The following RBFOX1 variants were observed in gnomAD, a reference collection of about 807,000 sequenced individuals.
RBFOX1 encodes the protein RNA binding protein fox-1 homolog 1.
Under a neutral mutation model 57.7 loss-of-function variants are expected in RBFOX1, and 8 were observed. The observed-to-expected ratio is 0.14, with a 90% confidence interval of 0.08 to 0.25. The LOEUF (loss-of-function observed/expected upper bound fraction) is 0.25. RBFOX1 is among the 10% of genes least tolerant of loss of function. RBFOX1 has a pLI of 1.00. For synonymous variants in RBFOX1, 326 were observed against 222.4 expected (o/e 1.47, Z -4.15); for missense variants, 611 against 548.5 (o/e 1.11, Z -1.14).
chr16:7,143,709 C>T (rs778815130), intron 4 of RBFOX1, among the ~76,000 whole-genome samples: 3 of 152,046 alleles, frequency 2.0e-5, no homozygotes, highest in Admixed American at 2.0e-4. Flanking sequence ...CTCCAAAGTC[C>T]TTCATTTGAT....
At chr16:6,906,922 C>T (rs565722326) in intron 3 of RBFOX1, among the ~76,000 whole-genome samples, 13 of 152,046 alleles carry the variant, frequency 8.6e-5, no homozygotes, top group Non-Finnish European at 2.9e-5. Context: ...TGGGGTTTCA[C>T]CATGTTGGCC....
At chr16:5,354,377 G>T (rs1398636798) in intron 1 of RBFOX1, among the ~76,000 whole-genome samples, 1 of 152,058 alleles carries the variant, frequency 6.6e-6, no homozygotes, top group Non-Finnish European at 1.5e-5. Context: ...AGACCGACTT[G>T]AATTACAACC....
chr16:7,630,766 C>G, intron 11 of RBFOX1, 83 bp downstream of exon 11: 1 of 1,566,696 alleles, frequency 6.4e-7, no homozygotes, highest in Admixed American at 1.9e-5. Context: ...GTTCTCTCCC[C>G]CTCCCTCTGC....
intron 1 of RBFOX1, among the ~76,000 whole-genome samples, chr16:5,441,515 C>T (rs886224892): frequency 1.3e-5 from 2 of 152,014 alleles, no homozygotes; most frequent in African/African-American, 4.8e-5. Context: ...CAGGCATGTG[C>T]CACCATGCCT....
At chr16:6,735,864 T>G (rs1193241985) in intron 3 of RBFOX1, among the ~76,000 whole-genome samples, 5 of 151,918 alleles carry the variant, frequency 3.3e-5, no homozygotes, top group African/African-American at 1.2e-4. Context: ...TCACAGGCCC[T>G]CCTTCTGAGA....
At chr16:6,694,258 A>G (rs948814570) in intron 3 of RBFOX1, among the ~76,000 whole-genome samples, 5 of 152,318 alleles carry the variant, frequency 3.3e-5, no homozygotes, top group African/African-American at 1.2e-4. Context: ...TTGTTAAATT[A>G]GAGAGGAGGT....
chr16:7,589,155 G>A (rs1277669716), intron 7 of RBFOX1, among the ~76,000 whole-genome samples: 1 of 152,326 alleles, frequency 6.6e-6, no homozygotes, highest in Non-Finnish European at 1.5e-5. Context: ...TATTCTTGGC[G>A]AAATTGTAGA....
chr16:7,197,464 A>G (rs928224317), intron 4 of RBFOX1, among the ~76,000 whole-genome samples: 12 of 143,846 alleles, frequency 8.3e-5, no homozygotes, highest in Non-Finnish European at 1.1e-4. Flanking sequence ...AAAAAAAAAC[A>G]TCAAGCTGTG....
At chr16:7,556,590 C>A (rs528627533) in intron 5 of RBFOX1, among the ~76,000 whole-genome samples, 1 of 152,104 alleles carries the variant, frequency 6.6e-6, no homozygotes, top group Non-Finnish European at 1.5e-5. Flanking sequence ...CTTTTGGATA[C>A]AGAGTTTCAT....
intron 4 of RBFOX1, among the ~76,000 whole-genome samples, chr16:7,069,355 A>C (rs561343073): frequency 6.6e-6 from 1 of 152,110 alleles, no homozygotes; most frequent in African/African-American, 2.4e-5. Flanking sequence ...CCCTCCCATC[A>C]GTCTCCCCAA....
intron 4 of RBFOX1, among the ~76,000 whole-genome samples, chr16:5,934,289 C>G (rs1001410484): frequency 1.1e-4 from 16 of 152,232 alleles, no homozygotes; most frequent in African/African-American, 3.1e-4. Context: ...TACAAAGAGG[C>G]ACAGAGCCTT....
intron 3 of RBFOX1, among the ~76,000 whole-genome samples, chr16:6,672,891 C>A (rs2098775964): frequency 6.6e-6 from 1 of 152,112 alleles, no homozygotes; most frequent in Non-Finnish European, 1.5e-5. Context: ...CCAAGAGACC[C>A]ATTGACTAAA....
intron 3 of RBFOX1, among the ~76,000 whole-genome samples, chr16:6,934,563 T>A (rs962423808): frequency 1.3e-5 from 2 of 152,136 alleles, no homozygotes; most frequent in Admixed American, 6.5e-5. Flanking sequence ...AGGAATTTTT[T>A]AAAAAGATAA....
At chr16:5,389,140 G>A (rs9924165) in intron 1 of RBFOX1, among the ~76,000 whole-genome samples, 13,364 of 151,742 alleles carry the variant, frequency 0.088, 1,493 homozygotes, top group African/African-American at 0.27. Flanking sequence ...GCAGTGAGCC[G>A]AGATCGCGCC....
intron 4 of RBFOX1, among the ~76,000 whole-genome samples, chr16:7,430,505 C>CA (rs965495054): frequency 6.6e-6 from 1 of 151,734 alleles, no homozygotes; most frequent in East Asian, 1.9e-4. Context: ...ACTAAAAATA[C>CA]AAAAAAATTA....
At chr16:7,345,524 C>G (rs1171450744) in intron 4 of RBFOX1, among the ~76,000 whole-genome samples, 2 of 152,186 alleles carry the variant, frequency 1.3e-5, no homozygotes, top group African/African-American at 4.8e-5. Flanking sequence ...AGCAGAGGGA[C>G]TTGGCACGGC....
chr16:6,452,035 C>G (rs1409212767), intron 2 of RBFOX1, among the ~76,000 whole-genome samples: 2 of 150,316 alleles, frequency 1.3e-5, no homozygotes, highest in African/African-American at 2.5e-5. Context: ...TCCATGGCTC[C>G]TTCCTTCCAT....
chr16:6,795,732 C>T (rs755111092), intron 3 of RBFOX1, among the ~76,000 whole-genome samples: 1 of 150,746 alleles, frequency 6.6e-6, no homozygotes, highest in African/African-American at 2.5e-5. Flanking sequence ...CACCACTGCA[C>T]TCTAGCCTGG....
At chr16:5,585,285 G>A (rs2046794668) in intron 2 of RBFOX1, among the ~76,000 whole-genome samples, 1 of 152,092 alleles carries the variant, frequency 6.6e-6, no homozygotes, top group Non-Finnish European at 1.5e-5. Context: ...GTAACTGGCT[G>A]CTTTTGTTTA....
Sources: allele counts gnomAD v4.1 joint callset (sites outside exome capture counted in the v4.1 genomes callset), GRCh38; gene constraint gnomAD v4.1.1; transcripts MANE v1.5; gene names NCBI Gene and HGNC (gene_info 2026-07-23, HGNC 2026-07-21).